The following ERBB4 variants were observed in gnomAD, a reference collection of about 807,000 sequenced individuals.
ERBB4 encodes the protein receptor tyrosine-protein kinase erbB-4.
ERBB4 carries 42 observed loss-of-function variants against 158.0 expected under a neutral mutation model. The observed-to-expected ratio is 0.27, with a 90% CI of 0.21 to 0.34. ERBB4 has a LOEUF of 0.34. Ranked by LOEUF, ERBB4 falls within the 10% of genes least tolerant of loss-of-function variation. The pLI, the probability that ERBB4 is intolerant of heterozygous loss-of-function variation, is 1.00. For missense variants in ERBB4, 1,333 were observed against 1,624.1 expected, an observed-to-expected ratio of 0.82 and a Z score of 3.08; for synonymous variants, 583 against 558.7, an observed-to-expected ratio of 1.04 and a Z score of -0.61.
At chr2:211,937,713 C>T (rs545470350) in intron 3 of ERBB4, among the ~76,000 whole-genome samples, 1 of 152,128 alleles carries the variant, frequency 6.6e-6, no homozygotes, top group East Asian at 1.9e-4. Flanking sequence ...CTTGTGAGAA[C>T]TAACTCACTA....
chr2:211,866,954 GCTT>G (rs2078222016), intron 3 of ERBB4, among the ~76,000 whole-genome samples: 1 of 137,278 alleles, frequency 7.3e-6, no homozygotes, highest in Admixed American at 8.4e-5. Flanking sequence ...GTATGGGGGA[GCTT>G]CTTCCTTCTG....
chr2:211,402,733 T>A (rs1325612073), intron 25 of ERBB4, among the ~76,000 whole-genome samples: 1 of 152,012 alleles, frequency 6.6e-6, no homozygotes, highest in Non-Finnish European at 1.5e-5. Flanking sequence ...AATAAAGTTT[T>A]AAAATGTGCT....
At chr2:211,945,250 C>G (rs1313180972) in intron 3 of ERBB4, among the ~76,000 whole-genome samples, 1 of 152,078 alleles carries the variant, frequency 6.6e-6, no homozygotes, top group African/African-American at 2.4e-5. Flanking sequence ...TATTCTTGCA[C>G]ACAAACACAA....
At chr2:211,501,497 T>TAAAAA (rs71047178) in intron 20 of ERBB4, among the ~76,000 whole-genome samples, 33 of 150,864 alleles carry the variant, frequency 2.2e-4, no homozygotes, top group Admixed American at 5.3e-4. Context: ...CCATAAAAAT[T>TAAAAA]AAAAAAAACA....
intron 12 of ERBB4, among the ~76,000 whole-genome samples, chr2:211,695,411 C>T (rs899958960): frequency 1.1e-4 from 16 of 152,118 alleles, no homozygotes; most frequent in African/African-American, 3.9e-4. Flanking sequence ...AAATATATTC[C>T]CCATCACCAG....
intron 3 of ERBB4, among the ~76,000 whole-genome samples, chr2:211,932,839 T>C (rs993428504): frequency 2.6e-5 from 4 of 152,022 alleles, no homozygotes; most frequent in Non-Finnish European, 5.9e-5. Flanking sequence ...TAAATTATAT[T>C]AGACATTAAA....
At chr2:211,835,446 C>T (rs13019270) in intron 3 of ERBB4, among the ~76,000 whole-genome samples, 32,525 of 151,698 alleles carry the variant, frequency 0.21, 3,634 homozygotes, top group South Asian at 0.33. Context: ...CAAGGAATAT[C>T]TAATTGTGGT....
intron 3 of ERBB4, among the ~76,000 whole-genome samples, chr2:211,859,051 G>A (rs2077946817): frequency 6.6e-6 from 1 of 152,058 alleles, no homozygotes; most frequent in Non-Finnish European, 1.5e-5. Context: ...CAAAGTGCTG[G>A]GATTACAGGC....
intron 15 of ERBB4, among the ~76,000 whole-genome samples, chr2:211,664,064 G>A (rs756014486): frequency 1.3e-5 from 2 of 152,112 alleles, no homozygotes; most frequent in Non-Finnish European, 2.9e-5. Flanking sequence ...CACTTCCAAG[G>A]TGAATTTGAA....
intron 2 of ERBB4, among the ~76,000 whole-genome samples, chr2:212,026,307 C>A (rs1045695129): frequency 6.6e-6 from 1 of 151,426 alleles, no homozygotes; most frequent in African/African-American, 2.4e-5. Flanking sequence ...TATAAGGTTC[C>A]TAATAGTGAA....
rs150547360 is a variant in ERBB4, at chr2:211,547,841, T to C, written c.2487+14062A>G. Among the ~76,000 whole-genome samples, 1,016 of 152,226 alleles carry C rather than the reference T, an allele frequency of 6.7e-3. 11 individuals carry two copies. Among genetic ancestry groups the C allele is most frequent in the African/African-American group, 0.023 (970 of 41,560 alleles). Reference sequence around the variant, plus strand: ...AATTAAGTTCTTTACTTTCTGGATGTGAATGGCAGCTGAATAAAAACCCTT... The same window carrying C: ...AATTAAGTTCTTTACTTTCTGGATGCGAATGGCAGCTGAATAAAAACCCTT... On this transcript the variant is annotated intron_variant, in intron 20 of 27. Transcript: ENST00000342788.
intron 22 of ERBB4, among the ~76,000 whole-genome samples, chr2:211,425,060 G>C (rs547046045): frequency 1.3e-5 from 2 of 152,192 alleles, no homozygotes; most frequent in Non-Finnish European, 2.9e-5. Context: ...GTTCTGATTT[G>C]AGCAATAATA....
At chr2:211,643,614 T>A (rs891687285) in intron 16 of ERBB4, among the ~76,000 whole-genome samples, 5 of 152,092 alleles carry the variant, frequency 3.3e-5, no homozygotes, top group African/African-American at 1.2e-4. Context: ...AAAACATAAA[T>A]GAAGTCAATG....
rs543888237 is a variant in ERBB4 at position 212,053,453 on chromosome 2, C to A, written c.234+71299G>T. Among the ~76,000 whole-genome samples, 3 of 152,188 alleles carry A rather than the reference C, an allele frequency of 2.0e-5. No individual in the cohort carries two copies. In the East Asian group the frequency reaches 5.8e-4, roughly 29 times the overall value. On this transcript the variant is annotated intron_variant, in intron 2 of 27. Coordinates refer to ENST00000342788, the MANE Select transcript of ERBB4 (RefSeq NM_005235.3). Reference sequence around the variant, plus strand: ...TGCCACCTCATAGTATGGGCCACAACTCTATTTCATGCAAACTGCTCTTTA... The same window carrying A: ...TGCCACCTCATAGTATGGGCCACAAATCTATTTCATGCAAACTGCTCTTTA...
At chr2:212,513,672 G>A (rs1440779023) in intron 1 of ERBB4, among the ~76,000 whole-genome samples, 5 of 152,090 alleles carry the variant, frequency 3.3e-5, no homozygotes, top group Admixed American at 6.5e-5. Flanking sequence ...TTAGCCGGGC[G>A]TAGTGGCCAG....
intron 16 of ERBB4, among the ~76,000 whole-genome samples, chr2:211,635,307 G>A (rs936884944): frequency 3.3e-5 from 5 of 152,088 alleles, no homozygotes; most frequent in Admixed American, 6.5e-5. Flanking sequence ...AATCACAAAC[G>A]AATTTTGCTA....
intron 1 of ERBB4, among the ~76,000 whole-genome samples, chr2:212,287,642 A>C: frequency 6.6e-6 from 1 of 152,210 alleles, no homozygotes; most frequent in East Asian, 1.9e-4. Flanking sequence ...CTTTGCAATA[A>C]AAACACAACT....
chr2:211,972,775 A>G (rs2081491206), intron 2 of ERBB4, among the ~76,000 whole-genome samples: 1 of 152,218 alleles, frequency 6.6e-6, no homozygotes, highest in African/African-American at 2.4e-5. Flanking sequence ...TAAAGATTTA[A>G]ATGTAAAACT....
chr2:211,556,082 G>A (rs542634114), intron 20 of ERBB4, among the ~76,000 whole-genome samples: 64 of 152,038 alleles, frequency 4.2e-4, no homozygotes, highest in Non-Finnish European at 8.5e-4. Context: ...AAAATAAAAA[G>A]ATAGAGAAAA....
Sources: gnomAD v4.1 joint callset for allele counts (sites outside exome capture counted in the v4.1 genomes callset) on GRCh38, gnomAD v4.1.1 for gene constraint, MANE v1.5 for transcripts, NCBI Gene and HGNC (gene_info 2026-07-23, HGNC 2026-07-21) for gene names.